ZNF385B: variants seen among roughly 807,000 people sequenced by gnomAD.
The protein encoded by ZNF385B is zinc finger protein 385B.
ZNF385B carries 23 observed loss-of-function variants against 39.2 expected under a neutral mutation model. The observed-to-expected ratio is 0.59, with a 90% confidence interval of 0.42 to 0.83. ZNF385B has a LOEUF of 0.83. Among genes scored for constraint, ZNF385B ranks in the 40% least tolerant of loss-of-function variants. The pLI, the probability that ZNF385B is intolerant of heterozygous loss-of-function variation, is 0.00. For synonymous variants in ZNF385B, 205 were observed against 222.6 expected, an observed-to-expected ratio of 0.92 and a Z score of 0.70; for missense variants, 552 against 598.9, an observed-to-expected ratio of 0.92 and a Z score of 0.82.
chr2:179,500,137 A>C (rs954089344), intron 5 of ZNF385B, among the ~76,000 whole-genome samples: 1 of 152,114 alleles, frequency 6.6e-6, no homozygotes, highest in African/African-American at 2.4e-5. Flanking sequence ...TGAAGAGGAC[A>C]CAAAAAGTGA....
chr2:179,743,158 T>C (rs55643934), intron 3 of ZNF385B, among the ~76,000 whole-genome samples: 1 of 152,060 alleles, frequency 6.6e-6, no homozygotes, highest in Non-Finnish European at 1.5e-5. Flanking sequence ...AAAATGTCAA[T>C]GCCCTCTAAG....
Position 179,713,365 on chromosome 2 carries a change from T to C in ZNF385B, c.298+56138A>G, listed in dbSNP as rs150328715. 3.3e-5 allele frequency among the ~76,000 whole-genome samples: 5 copies of C among 152,332 alleles called. No individual in the cohort carries two copies. The South Asian group carries it at 8.3e-4, about 25-fold the overall frequency. ...TCGGCTCCAGCCACGATGGTCTTCT[T>C]TAGTTCTTCAAATACATCATCACAC... On this transcript the variant is annotated intron_variant, in intron 3 of 9. Transcript: ENST00000410066.
chr2:179,752,603 CCTGA>C (rs1197920093), intron 3 of ZNF385B, among the ~76,000 whole-genome samples: 1 of 152,126 alleles, frequency 6.6e-6, no homozygotes, highest in Non-Finnish European at 1.5e-5. Flanking sequence ...CCTGTTGTTT[CCTGA>C]CTTTTTAATG....
intron 3 of ZNF385B, among the ~76,000 whole-genome samples, chr2:179,559,450 A>G (rs537210400): frequency 6.6e-6 from 1 of 152,180 alleles, no homozygotes; most frequent in Non-Finnish European, 1.5e-5. Flanking sequence ...GATGTGCAAA[A>G]CATCTCCAAT....
chr2:179,513,602 A>T lies in ZNF385B; in HGVS notation c.552+4926T>A, dbSNP rs1346885673. Among the ~76,000 whole-genome samples, 6 of 152,216 alleles carry T rather than the reference A, an allele frequency of 3.9e-5. No homozygotes were observed. In the South Asian group the frequency reaches 8.3e-4, roughly 21 times the overall value. Reference sequence around the variant, plus strand: ...TTCCACAACCCAACCCATTACACAAATAAAAAACAAAATTCATAGTCATTC... The same window carrying T: ...TTCCACAACCCAACCCATTACACAATTAAAAAACAAAATTCATAGTCATTC... On this transcript the variant is annotated intron_variant, in intron 5 of 9. Coordinates refer to ENST00000410066, the MANE Select transcript of ZNF385B (RefSeq NM_152520.6).
intron 1 of ZNF385B, among the ~76,000 whole-genome samples, chr2:179,856,082 A>G (rs1235134338): frequency 2.6e-5 from 4 of 152,222 alleles, no homozygotes; most frequent in Non-Finnish European, 5.9e-5. Context: ...ACCATCCCCT[A>G]GAAATGGCTA....
intron 3 of ZNF385B, among the ~76,000 whole-genome samples, chr2:179,702,382 T>C (rs1023282182): frequency 6.6e-6 from 1 of 152,192 alleles, no homozygotes; most frequent in Non-Finnish European, 1.5e-5. Flanking sequence ...TTTATAGCTA[T>C]TAATATTATT....
intron 3 of ZNF385B, among the ~76,000 whole-genome samples, chr2:179,615,336 T>C (rs769383266): frequency 1.3e-5 from 2 of 152,208 alleles, no homozygotes; most frequent in Non-Finnish European, 2.9e-5. Context: ...TTATATAGTG[T>C]TTCTTAAAGT....
At chr2:179,493,781 A>ATG (rs1491404646) in intron 5 of ZNF385B, among the ~76,000 whole-genome samples, 5 of 91,804 alleles carry the variant, frequency 5.4e-5, no homozygotes, top group East Asian at 2.6e-4. Context: ...ATATGTATAT[A>ATG]CACATATGTA....
At chr2:179,834,790 T>C (rs1708160043) in intron 1 of ZNF385B, among the ~76,000 whole-genome samples, 1 of 152,196 alleles carries the variant, frequency 6.6e-6, no homozygotes, top group Non-Finnish European at 1.5e-5. Context: ...TACCAAATAA[T>C]CAAGTTTAAT....
intron 3 of ZNF385B, among the ~76,000 whole-genome samples, chr2:179,753,108 G>A (rs1352753674): frequency 6.6e-6 from 1 of 152,130 alleles, no homozygotes; most frequent in Non-Finnish European, 1.5e-5. Context: ...ATTAATTTTT[G>A]TATAAGGTGT....
chr2:179,472,173 C>A (rs893511134), intron 6 of ZNF385B, among the ~76,000 whole-genome samples: 1 of 152,148 alleles, frequency 6.6e-6, no homozygotes, highest in African/African-American at 2.4e-5. Flanking sequence ...TTTAAAAATA[C>A]TGTAAGTGAT....
chr2:179,816,240 G>C (rs956608708), intron 1 of ZNF385B, among the ~76,000 whole-genome samples: 1 of 152,122 alleles, frequency 6.6e-6, no homozygotes, highest in Non-Finnish European at 1.5e-5. Context: ...ACTTCAAATA[G>C]AGCTGCAAAT....
intron 3 of ZNF385B, among the ~76,000 whole-genome samples, chr2:179,645,960 A>C (rs1047687992): frequency 1.3e-5 from 2 of 152,220 alleles, no homozygotes; most frequent in African/African-American, 4.8e-5. Context: ...GGGAAGTTTA[A>C]GAACCACATA....
intron 3 of ZNF385B, among the ~76,000 whole-genome samples, chr2:179,692,729 C>A (rs1168853934): frequency 6.6e-6 from 1 of 152,166 alleles, no homozygotes; most frequent in African/African-American, 2.4e-5. Flanking sequence ...TTCTGAGAGA[C>A]CATCTCTCAA....
At chr2:179,780,126 A>T (rs1704578009) in intron 1 of ZNF385B, among the ~76,000 whole-genome samples, 1 of 152,110 alleles carries the variant, frequency 6.6e-6, no homozygotes, top group African/African-American at 2.4e-5. Flanking sequence ...GCTATTTGAG[A>T]GTAGGTTCTT....
intron 3 of ZNF385B, among the ~76,000 whole-genome samples, chr2:179,659,829 A>T (rs1694256527): frequency 1.3e-5 from 2 of 152,216 alleles, no homozygotes; most frequent in South Asian, 4.1e-4. Flanking sequence ...GCTGATTTTA[A>T]TGGAACTAAA....
At chr2:179,703,696 G>A (rs937947460) in intron 3 of ZNF385B, among the ~76,000 whole-genome samples, 9 of 152,198 alleles carry the variant, frequency 5.9e-5, no homozygotes, top group African/African-American at 2.2e-4. Context: ...TGAGAAATAA[G>A]GAATAAAATA....
At chr2:179,589,643 T>C (rs1687388449) in intron 3 of ZNF385B, among the ~76,000 whole-genome samples, 1 of 152,232 alleles carries the variant, frequency 6.6e-6, no homozygotes, top group Non-Finnish European at 1.5e-5. Flanking sequence ...GAGCCTAATA[T>C]GTGACTATCT....
Sources: gnomAD v4.1 joint callset for allele counts (sites outside exome capture counted in the v4.1 genomes callset) on GRCh38, gnomAD v4.1.1 for gene constraint, MANE v1.5 for transcripts, NCBI Gene and HGNC (gene_info 2026-07-23, HGNC 2026-07-21) for gene names.